Variants in ODAD2 observed in about 807,000 individuals in gnomAD.
ODAD2 encodes outer dynein arm docking complex subunit 2, also known as outer dynein arm-docking complex subunit 2.
Under a neutral mutation model 106.8 loss-of-function variants are expected in ODAD2, and 89 were observed. The ratio of observed to expected loss-of-function variants is 0.83; its 90% CI spans 0.70 to 0.99. The LOEUF (loss-of-function observed/expected upper bound fraction) is 0.99, where lower values mean the gene tolerates loss of function less well. Among genes scored for constraint, ODAD2 ranks in the 50% least tolerant of loss-of-function variants. The pLI is 0.00. For missense variants in ODAD2, 1,168 were observed against 1,238.5 expected (o/e 0.94, Z 0.85); for synonymous variants, 404 against 436.2 (o/e 0.93, Z 0.92).
intron 19 of ODAD2, 111 bp downstream of exon 19, chr10:27,860,514 C>G (rs1003817976): frequency 1.8e-5 from 17 of 943,676 alleles, no homozygotes; most frequent in Admixed American, 2.3e-5. Flanking sequence ...AGCAGGCAGG[C>G]ACTTTTGTGT....
At position 27,823,866 on chromosome 10, in the gene ODAD2, C is replaced by T. The variant is rs574060242; in HGVS notation, c.3022-11241G>A. On this transcript the variant is annotated intron_variant, in intron 19 of 19. Transcript: ENST00000305242. ...GTTCATAAAAATAGTTCAGGCCGGG[C>T]GCGGTGGCTCACGCCTGTAATCCCA... Among the ~76,000 whole-genome samples, 13 of 146,514 alleles carry T rather than the reference C, an allele frequency of 8.9e-5. 2 individuals carry two copies. The South Asian group carries it at 1.1e-3, about 12-fold the overall frequency.
chr10:27,933,664 C>A (rs1347571527), intron 16 of ODAD2, among the ~76,000 whole-genome samples: 1 of 152,064 alleles, frequency 6.6e-6, no homozygotes, highest in South Asian at 2.1e-4. Context: ...TAAAGAGGAA[C>A]CAAAGATCAA....
rs558694086 is a variant in ODAD2 at position 27,885,183 on chromosome 10, T to A, written c.2610+22480A>T. 6.9e-4 allele frequency among the ~76,000 whole-genome samples: 105 copies of A among 151,166 alleles called. No homozygotes were observed. In the Middle Eastern group the frequency reaches 0.014, roughly 20 times the overall value. ...AAATAATTAAAATAAATAAGGAAAATTATATATAAACAAAATGAGAATATA... is the reference window on the plus strand; with the variant it reads ...AAATAATTAAAATAAATAAGGAAAAATATATATAAACAAAATGAGAATATA... On this transcript the variant is annotated intron_variant, in intron 17 of 19. Transcript: ENST00000305242.
rs930632883 is a variant in ODAD2, at chr10:27,848,453, A to G, written c.3021+12172T>C. Among the ~76,000 whole-genome samples, 20 of 152,120 alleles carry G rather than the reference A, an allele frequency of 1.3e-4. No individual in the cohort carries two copies. In the South Asian group the frequency reaches 2.7e-3, roughly 21 times the overall value. On this transcript the variant is annotated intron_variant, in intron 19 of 19. Coordinates refer to ENST00000305242, the MANE Select transcript of ODAD2 (RefSeq NM_018076.5). ...GGATTAAAGACCTAAAACCATACAA[A>G]CCCTAGAGGAAAACCTAGGCAATAC... is the stretch of plus-strand genomic sequence containing the variant.
At chr10:27,819,975 G>A (rs1015984151) in intron 19 of ODAD2, among the ~76,000 whole-genome samples, 2 of 152,188 alleles carry the variant, frequency 1.3e-5, no homozygotes, top group African/African-American at 4.8e-5. Flanking sequence ...GAATCGCATA[G>A]TCCAGTGCCC....
intron 16 of ODAD2, among the ~76,000 whole-genome samples, chr10:27,918,561 A>G (rs1844554338): frequency 6.6e-6 from 1 of 151,932 alleles, no homozygotes; most frequent in South Asian, 2.1e-4. Context: ...TCAATCTGAT[A>G]AAACATCTAC....
chr10:27,944,402 G>A lies in ODAD2; in HGVS notation c.1563C>T (p.Ile521=), dbSNP rs759349007. The change falls in exon 12 of 20, where the codon ATC becomes ATT. Residue 521 remains isoleucine (I), a synonymous_variant. Coordinates refer to ENST00000305242, the MANE Select transcript of ODAD2 (RefSeq NM_018076.5). ...TCTGTCTGATTTGAGGATTATGACTGATTTCCTTCAGTATTTTTAATGAAC... is the reference window on the plus strand; with the variant it reads ...TCTGTCTGATTTGAGGATTATGACTAATTTCCTTCAGTATTTTTAATGAAC... ...KIGSLKILKE[I]SHNPQIRQNI... 1 of 1,613,808 alleles carries A rather than the reference G, an allele frequency of 6.2e-7. No homozygotes were observed. Among genetic ancestry groups the A allele is most frequent in the Non-Finnish European group, 8.5e-7 (1 of 1,179,810 alleles).
intron 19 of ODAD2, among the ~76,000 whole-genome samples, chr10:27,849,344 T>C (rs1391029313): frequency 2.0e-5 from 3 of 146,848 alleles, no homozygotes; most frequent in African/African-American, 7.8e-5. Flanking sequence ...TAGGTGGGAA[T>C]TGAAAAATGA....
At chr10:27,856,207 G>C (rs1839642782) in intron 19 of ODAD2, among the ~76,000 whole-genome samples, 1 of 152,120 alleles carries the variant, frequency 6.6e-6, no homozygotes, top group African/African-American at 2.4e-5. Flanking sequence ...ATTTGAAAAG[G>C]AAGTCTGTGC....
chr10:27,818,723 C>A (rs1354012315), intron 19 of ODAD2, among the ~76,000 whole-genome samples: 1 of 152,218 alleles, frequency 6.6e-6, no homozygotes, highest in Non-Finnish European at 1.5e-5. Context: ...TGGCCACCCG[C>A]CTCGCTTCTG....
chr10:27,820,400 C>T (rs1207520009), intron 19 of ODAD2, among the ~76,000 whole-genome samples: 3 of 151,846 alleles, frequency 2.0e-5, no homozygotes, highest in Non-Finnish European at 4.4e-5. Flanking sequence ...TAATTTCCCA[C>T]TGCATAAACC....
intron 16 of ODAD2, among the ~76,000 whole-genome samples, chr10:27,921,996 G>C (rs1425263020): frequency 6.6e-6 from 1 of 151,396 alleles, no homozygotes; most frequent in Non-Finnish European, 1.5e-5. Context: ...GTGAAACCCT[G>C]TCTCTACAAA....
At chr10:27,817,367 T>A (rs1427163159) in intron 19 of ODAD2, among the ~76,000 whole-genome samples, 1 of 152,200 alleles carries the variant, frequency 6.6e-6, no homozygotes, top group African/African-American at 2.4e-5. Flanking sequence ...TTTGGATATA[T>A]TTCGAGGGTA....
At position 27,812,458 on chromosome 10, in the gene ODAD2, G is replaced by A; in HGVS notation, c.*54C>T. On this transcript the variant is annotated 3_prime_UTR_variant, in exon 20 of 20. Coordinates refer to ENST00000305242, the MANE Select transcript of ODAD2 (RefSeq NM_018076.5). ...CAATTTAGGCTTTCTGGCCATGGGAGTGACATGTCCTGTGTCATGTAGAAT... is the reference window on the plus strand; with the variant it reads ...CAATTTAGGCTTTCTGGCCATGGGAATGACATGTCCTGTGTCATGTAGAAT... The A allele has an allele frequency of 5.9e-6, 9 of 1,525,256 alleles. No individual in the cohort carries two copies. Among genetic ancestry groups the A allele is most frequent in the Non-Finnish European group, 8.0e-6 (9 of 1,120,584 alleles). 94.5% of individuals were successfully genotyped at this position (1,525,256 alleles called of 1,614,324 possible).
At chr10:27,938,253 T>G (rs1371203179) in intron 14 of ODAD2, among the ~76,000 whole-genome samples, 1 of 152,120 alleles carries the variant, frequency 6.6e-6, no homozygotes, top group Non-Finnish European at 1.5e-5. Flanking sequence ...GTGACTGTAT[T>G]TGGAGACAGA....
At position 27,984,248 on chromosome 10, in the gene ODAD2, T is replaced by C. The variant is rs1026342554; in HGVS notation, c.618A>G (p.Glu206=). The change falls in exon 5 of 20, where the codon GAA becomes GAG. Residue 206 remains glutamate, a synonymous_variant. Coordinates refer to ENST00000305242, the MANE Select transcript of ODAD2 (RefSeq NM_018076.5). ...LSPMTVKKDI[E]LLKRFSGKGN... ...CTTTTCCTGAGAAACGTTTGAGCAG[T>C]TCTATATCCTTCTTCACCGTCATGG... is the stretch of plus-strand genomic sequence containing the variant. The C allele has an allele frequency of 8.1e-6, 13 of 1,613,604 alleles. No individual in the cohort carries two copies. The African/African-American group carries it at 1.5e-4, about 18-fold the overall frequency.
At chr10:27,905,732 T>C (rs1005777270) in intron 17 of ODAD2, among the ~76,000 whole-genome samples, 3 of 152,196 alleles carry the variant, frequency 2.0e-5, no homozygotes, top group Non-Finnish European at 2.9e-5. Context: ...AACCATCTGA[T>C]CTTTGACAAA....
At chr10:27,973,125 A>T (rs1848965260) in intron 7 of ODAD2, among the ~76,000 whole-genome samples, 1 of 152,186 alleles carries the variant, frequency 6.6e-6, no homozygotes, top group South Asian at 2.1e-4. Context: ...TATATTGAAT[A>T]AAAATATCAT....
chr10:27,970,182 G>A (rs920626908), intron 8 of ODAD2, among the ~76,000 whole-genome samples: 64 of 151,884 alleles, frequency 4.2e-4, no homozygotes, highest in Admixed American at 3.5e-3. Flanking sequence ...CAGCATTTAC[G>A]TAGCATTGGC....
Sources: allele counts gnomAD v4.1 joint callset (sites outside exome capture counted in the v4.1 genomes callset), GRCh38; gene constraint gnomAD v4.1.1; transcripts MANE v1.5; gene names NCBI Gene and HGNC (gene_info 2026-07-23, HGNC 2026-07-21).